The following PPM1L variants were observed in gnomAD, a reference collection of about 807,000 sequenced individuals.
PPM1L encodes the protein protein phosphatase 1L.
Under a neutral mutation model 31.4 loss-of-function variants are expected in PPM1L, and 13 were observed. The ratio of observed to expected loss-of-function variants is 0.41; its 90% CI spans 0.27 to 0.66. The LOEUF (loss-of-function observed/expected upper bound fraction) is 0.66. Ranked by LOEUF, PPM1L falls within the 30% of genes least tolerant of loss-of-function variation. PPM1L has a pLI of 0.29. For synonymous variants in PPM1L, 184 were observed against 175.4 expected, an observed-to-expected ratio of 1.05 and a Z score of -0.39; for missense variants, 326 against 453.7, an observed-to-expected ratio of 0.72 and a Z score of 2.56.
intron 1 of PPM1L, among the ~76,000 whole-genome samples, chr3:160,935,831 T>C (rs1026935055): frequency 6.6e-6 from 1 of 152,258 alleles, no homozygotes; most frequent in African/African-American, 2.4e-5. Context: ...GTTCATGTTT[T>C]GTAGTCTTGT....
chr3:160,965,018 G>A (rs1466278953), intron 2 of PPM1L, among the ~76,000 whole-genome samples: 5 of 151,986 alleles, frequency 3.3e-5, no homozygotes, highest in East Asian at 1.9e-4. Context: ...TTGGGAGGCC[G>A]AGGTGGGCGG....
chr3:160,792,273 T>G (rs1318887111), intron 1 of PPM1L, among the ~76,000 whole-genome samples: 4 of 152,208 alleles, frequency 2.6e-5, no homozygotes, highest in Non-Finnish European at 5.9e-5. Context: ...TCATTTAGTT[T>G]ATGATAATTC....
At chr3:160,901,044 G>A (rs1472641025) in intron 1 of PPM1L, among the ~76,000 whole-genome samples, 2 of 152,006 alleles carry the variant, frequency 1.3e-5, no homozygotes, top group African/African-American at 4.8e-5. Flanking sequence ...CATCTCCCCA[G>A]TTTCTTAATG....
At chr3:160,838,736 G>A (rs1713786654) in intron 1 of PPM1L, among the ~76,000 whole-genome samples, 1 of 152,108 alleles carries the variant, frequency 6.6e-6, no homozygotes, top group Non-Finnish European at 1.5e-5. Context: ...TCTCTAGTAA[G>A]GAGATGGAAT....
At chr3:160,775,728 G>A (rs1050846778) in intron 1 of PPM1L, among the ~76,000 whole-genome samples, 9 of 152,170 alleles carry the variant, frequency 5.9e-5, no homozygotes, top group African/African-American at 2.2e-4. Flanking sequence ...GGAGTGTTAT[G>A]GATTACAGTA....
intron 2 of PPM1L, among the ~76,000 whole-genome samples, chr3:161,045,936 C>T (rs867262764): frequency 2.6e-5 from 4 of 151,122 alleles, no homozygotes; most frequent in Non-Finnish European, 4.4e-5. Flanking sequence ...ACAGTGAAAC[C>T]GTTTCTCTAT....
At chr3:160,871,390 G>A (rs981259163) in intron 1 of PPM1L, among the ~76,000 whole-genome samples, 1 of 152,220 alleles carries the variant, frequency 6.6e-6, no homozygotes, top group African/African-American at 2.4e-5. Context: ...TGCACATGAA[G>A]TGTTCTATTC....
In PPM1L at chr3:160,958,045, C is replaced by T. The variant is rs756472224; in HGVS notation, c.400-3691C>T. 8.5e-5 allele frequency among the ~76,000 whole-genome samples: 13 copies of T among 152,170 alleles called. No homozygotes were observed. The South Asian group carries it at 1.2e-3, about 15-fold the overall frequency. ...TAAATTTGTTTAAATTCCTTATAGA[C>T]GTTGAATATTAGACCTTTGTCAGGT... On this transcript the variant is annotated intron_variant, in intron 1 of 3. Coordinates refer to ENST00000498165, the MANE Select transcript of PPM1L (RefSeq NM_139245.4).
intron 1 of PPM1L, among the ~76,000 whole-genome samples, chr3:160,913,954 G>A (rs756729761): frequency 8.5e-5 from 13 of 152,130 alleles, no homozygotes; most frequent in Non-Finnish European, 1.5e-4. Context: ...ATAGGAGTGG[G>A]ATTGCTAGAT....
At chr3:161,003,964 T>C (rs1385799484) in intron 2 of PPM1L, among the ~76,000 whole-genome samples, 2 of 149,312 alleles carry the variant, frequency 1.3e-5, no homozygotes, top group Non-Finnish European at 3.0e-5. Flanking sequence ...CAGTATGATA[T>C]TGGCTGTGGG....
At chr3:161,049,242 C>T (rs1409862173) in intron 2 of PPM1L, among the ~76,000 whole-genome samples, 5 of 151,766 alleles carry the variant, frequency 3.3e-5, no homozygotes, top group East Asian at 1.9e-4. Flanking sequence ...TGTGCCACTG[C>T]GCTCTAGCCT....
At chr3:160,860,140 CAT>C (rs1030991941) in intron 1 of PPM1L, among the ~76,000 whole-genome samples, 4 of 152,304 alleles carry the variant, frequency 2.6e-5, no homozygotes, top group African/African-American at 9.6e-5. Context: ...TAAGATTACA[CAT>C]GTGGATAGTT....
chr3:160,954,945 TTCCTTCCTTCC>T (rs1191765483), intron 1 of PPM1L, among the ~76,000 whole-genome samples: 1,122 of 68,846 alleles, frequency 0.016, 5 homozygotes, highest in Middle Eastern at 0.072. Context: ...CCTTCCTTCC[TTCCTTCCTTCC>T]TTCCTTTCCT....
chr3:160,855,372 A>G (rs908752338), intron 1 of PPM1L, among the ~76,000 whole-genome samples: 1 of 152,244 alleles, frequency 6.6e-6, no homozygotes, highest in Non-Finnish European at 1.5e-5. Flanking sequence ...AAGATTGACA[A>G]ATGGGACCTA....
At chr3:160,851,088 A>G (rs1052180217) in intron 1 of PPM1L, among the ~76,000 whole-genome samples, 5 of 152,172 alleles carry the variant, frequency 3.3e-5, no homozygotes, top group African/African-American at 1.2e-4. Context: ...AAGATTTGAA[A>G]TATTATACCA....
chr3:160,814,910 C>T (rs1422522820), intron 1 of PPM1L, among the ~76,000 whole-genome samples: 1 of 151,950 alleles, frequency 6.6e-6, no homozygotes, highest in Non-Finnish European at 1.5e-5. Context: ...GAATGGAGAA[C>T]CAAACATCGT....
intron 1 of PPM1L, among the ~76,000 whole-genome samples, chr3:160,838,353 A>G (rs2108102851): frequency 6.6e-6 from 1 of 152,304 alleles, no homozygotes; most frequent in South Asian, 2.1e-4. Context: ...TTGCATGTAA[A>G]TATCCACAAA....
chr3:161,065,174 A>G (rs553968671), intron 2 of PPM1L, among the ~76,000 whole-genome samples: 1 of 152,158 alleles, frequency 6.6e-6, no homozygotes, highest in Non-Finnish European at 1.5e-5. Context: ...GGAAAATTAT[A>G]ATGTTATCCT....
chr3:161,009,000 T>C (rs901625953), intron 2 of PPM1L, among the ~76,000 whole-genome samples: 1 of 151,998 alleles, frequency 6.6e-6, no homozygotes, highest in Non-Finnish European at 1.5e-5. Context: ...AAGAGTTCTG[T>C]GGAAGGAGCC....
Sources: allele counts gnomAD v4.1 joint callset (sites outside exome capture counted in the v4.1 genomes callset), GRCh38; gene constraint gnomAD v4.1.1; transcripts MANE v1.5; gene names NCBI Gene and HGNC (gene_info 2026-07-23, HGNC 2026-07-21).